The following GRM1 variants were observed in gnomAD, a reference collection of about 807,000 sequenced individuals.
The protein encoded by GRM1 is metabotropic glutamate receptor 1.
In GRM1, 33 loss-of-function variants were observed where a neutral mutation model predicts 90.9. The ratio of observed to expected loss-of-function variants is 0.36; its 90% CI spans 0.28 to 0.49. The LOEUF (loss-of-function observed/expected upper bound fraction) is 0.49. Among genes scored for constraint, GRM1 ranks in the 20% least tolerant of loss-of-function variants. GRM1 has a pLI of 0.99. For missense variants in GRM1, 1,190 were observed against 1,534.3 expected, an observed-to-expected ratio of 0.78 and a Z score of 3.75; for synonymous variants, 700 against 613.2, an observed-to-expected ratio of 1.14 and a Z score of -2.09.
chr6:146,304,733 G>A lies in GRM1; in HGVS notation c.1073G>A (p.Arg358Lys), dbSNP rs112817798. ...RSFDDYFLKL[R>K]LDTNTRNPWF... ...TTTGATGATTATTTCCTGAAACTGA[G>A]GCTGGACACTAACACGAGGAATCCC... Residue 358 changes from arginine to lysine, a missense_variant, in exon 3 of 8, where the codon AGG (arginine) becomes AAG (lysine). Transcript: ENST00000282753. The A allele has an allele frequency of 1.5e-4, 237 of 1,613,988 alleles. No homozygotes were observed. In the Middle Eastern group the frequency reaches 2.0e-3, roughly 13 times the overall value.
At chr6:146,188,144 C>T (rs1778802347) in intron 2 of GRM1, among the ~76,000 whole-genome samples, 1 of 152,096 alleles carries the variant, frequency 6.6e-6, no homozygotes, top group African/African-American at 2.4e-5. Context: ...CTCAAAAACC[C>T]CTGTGGTCAC....
At chr6:146,085,454 A>G (rs960362985) in intron 1 of GRM1, among the ~76,000 whole-genome samples, 2 of 152,126 alleles carry the variant, frequency 1.3e-5, no homozygotes, top group East Asian at 3.8e-4. Context: ...TGATTCAAAC[A>G]TGCCTCTGCA....
chr6:146,259,140 A>G (rs1457043526), intron 2 of GRM1, among the ~76,000 whole-genome samples: 4 of 152,106 alleles, frequency 2.6e-5, no homozygotes, highest in African/African-American at 4.8e-5. Flanking sequence ...CTCCTAGAGA[A>G]CGCTTTCCCT....
At chr6:146,424,232 G>T (rs1778113868) in intron 7 of GRM1, among the ~76,000 whole-genome samples, 1 of 152,228 alleles carries the variant, frequency 6.6e-6, no homozygotes. Context: ...TACCAAAAGT[G>T]CAGTGGCACT....
rs750411699 is a variant in GRM1, at chr6:146,399,445, G to A, written c.2406G>A (p.Val802=). ...CCTGTATCATCTGGCTAGCTTTTGT[G>A]CCCATTTACTTTGGGAGCAACTACA... is the stretch of plus-strand genomic sequence containing the variant. ...YTTCIIWLAF[V]PIYFGSNYKI... is the part of the protein sequence containing the mutation. Residue 802 remains valine, a synonymous_variant, in exon 7 of 8, where the codon GTG becomes GTA. Coordinates refer to ENST00000282753, the MANE Select transcript of GRM1 (RefSeq NM_001278064.2). The surrounding 1 kb of genome is among the most constrained non-coding windows in gnomAD (Gnocchi z 5.4). 1 of 1,614,146 alleles carries A rather than the reference G, an allele frequency of 6.2e-7. No homozygotes were observed. The highest frequency in any genetic ancestry group is 8.5e-7 in the Non-Finnish European group (1 of 1,180,030).
In GRM1 at chr6:146,434,928, C is replaced by T. The variant is rs570536802; in HGVS notation, c.*132C>T. 3.9e-6 allele frequency: 3 copies of T among 769,592 alleles called. No homozygotes were observed. Among genetic ancestry groups the T allele is most frequent in the South Asian group, 2.9e-5 (2 of 69,448 alleles). 47.7% of individuals were successfully genotyped at this position (769,592 alleles called of 1,614,324 possible). The stretch of plus-strand genomic sequence containing the variant: ...GGAGGACAGGAGACCGCTGCTGCTG[C>T]TGCCGCTACTGCTGCTGCTGCCTTA... On this transcript the variant is annotated 3_prime_UTR_variant, in exon 8 of 8. Coordinates refer to ENST00000282753, the MANE Select transcript of GRM1 (RefSeq NM_001278064.2).
At chr6:146,098,728 T>G (rs368213132) in intron 1 of GRM1, among the ~76,000 whole-genome samples, 5 of 151,946 alleles carry the variant, frequency 3.3e-5, no homozygotes, top group Non-Finnish European at 5.9e-5. Context: ...ACCATGGGGG[T>G]GGCTACACTC....
intron 2 of GRM1, among the ~76,000 whole-genome samples, chr6:146,215,796 G>T (rs184291436): frequency 5.0e-3 from 726 of 144,752 alleles, no homozygotes; most frequent in Non-Finnish European, 7.9e-3. Flanking sequence ...TCGCTCTGTT[G>T]CCCAGGCTGG....
At position 146,433,868 on chromosome 6, in the gene GRM1, A is replaced by G. The variant is rs1007811275; in HGVS notation, c.2661-4A>G. 1.3e-6 allele frequency: 2 copies of G among 1,595,460 alleles called. No homozygotes were observed. Among genetic ancestry groups the G allele is most frequent in the African/African-American group, 1.3e-5 (1 of 74,548 alleles). ...AAATAAATCCATCTCTATTTTATTC[A>G]TAGTTCTAATGGCAAGTCTGTGTCA... On this transcript the variant is annotated splice_region_variant and splice_polypyrimidine_tract_variant and intron_variant, in intron 7 of 7. Coordinates refer to ENST00000282753, the MANE Select transcript of GRM1 (RefSeq NM_001278064.2).
intron 7 of GRM1, among the ~76,000 whole-genome samples, chr6:146,425,843 G>T (rs1406441457): frequency 2.0e-5 from 3 of 152,156 alleles, no homozygotes; most frequent in Non-Finnish European, 4.4e-5. Context: ...TCCAACAAAT[G>T]ATGGAAAGGC....
At chr6:146,335,453 A>G (rs543636529) in intron 3 of GRM1, among the ~76,000 whole-genome samples, 1 of 152,294 alleles carries the variant, frequency 6.6e-6, no homozygotes, top group East Asian at 1.9e-4. Context: ...TCCCTAGGAA[A>G]GTTGTGTTCA....
intron 2 of GRM1, among the ~76,000 whole-genome samples, chr6:146,230,493 A>T (rs907847968): frequency 2.0e-5 from 3 of 152,174 alleles, no homozygotes; most frequent in African/African-American, 7.2e-5. Context: ...GAATGGCCAA[A>T]ATCCAGAACA....
chr6:146,398,705 T>C, intron 6 of GRM1, 64 bp from the exon 7 acceptor site: 1 of 1,076,270 alleles, frequency 9.3e-7, no homozygotes, highest in Non-Finnish European at 1.5e-6. Flanking sequence ...TGGTAATTAA[T>C]AGGCAAGTTG....
intron 1 of GRM1, among the ~76,000 whole-genome samples, chr6:146,040,859 T>C (rs1459853579): frequency 6.6e-6 from 1 of 151,940 alleles, no homozygotes; most frequent in Non-Finnish European, 1.5e-5. Context: ...CTCAACTCCT[T>C]CTTGAAGGCC....
At chr6:146,204,534 T>C (rs536872448) in intron 2 of GRM1, among the ~76,000 whole-genome samples, 246 of 152,330 alleles carry the variant, frequency 1.6e-3, no homozygotes, top group African/African-American at 5.5e-3. Context: ...GCAGAAGGTG[T>C]AGCCCAGGTA....
chr6:146,104,541 G>C (rs149840958), intron 1 of GRM1, among the ~76,000 whole-genome samples: 39 of 152,042 alleles, frequency 2.6e-4, no homozygotes, highest in African/African-American at 8.7e-4. Context: ...TGTTTCATAT[G>C]GGGGGGCATT....
intron 2 of GRM1, among the ~76,000 whole-genome samples, chr6:146,221,421 C>T (rs1780058410): frequency 1.3e-5 from 2 of 152,114 alleles, no homozygotes; most frequent in South Asian, 4.1e-4. Flanking sequence ...GTTCAAATCC[C>T]ACTTATGAGT....
chr6:146,301,204 G>T lies in GRM1; in HGVS notation c.951-3407G>T, dbSNP rs561375960. ...ATATCCTGGTTCTCCTTGATTTTAT[G>T]ACCTCTTAGATTTAACAACAACTCT... On this transcript the variant is annotated intron_variant, in intron 2 of 7. Coordinates refer to ENST00000282753, the MANE Select transcript of GRM1 (RefSeq NM_001278064.2). Among the ~76,000 whole-genome samples, 3 of 151,958 alleles carry T rather than the reference G, an allele frequency of 2.0e-5. No homozygotes were observed. The South Asian group carries it at 6.3e-4, about 32-fold the overall frequency.
At chr6:146,229,580 T>C (rs1464368503) in intron 2 of GRM1, among the ~76,000 whole-genome samples, 1 of 152,052 alleles carries the variant, frequency 6.6e-6, no homozygotes, top group Non-Finnish European at 1.5e-5. Flanking sequence ...AGGATTGTTT[T>C]TGAATAAGGG....
Sources: gnomAD v4.1 joint callset for allele counts (sites outside exome capture counted in the v4.1 genomes callset) on GRCh38, gnomAD v4.1.1 for gene constraint, Gnocchi (gnomAD v3.1) non-coding constraint, MANE v1.5 for transcripts, NCBI Gene and HGNC (gene_info 2026-07-23, HGNC 2026-07-21) for gene names.